ABRAXAS2: variants seen among roughly 807,000 people sequenced by gnomAD.
The protein encoded by ABRAXAS2 is BRISC complex subunit Abraxas 2.
In ABRAXAS2, 23 loss-of-function variants were observed where a neutral mutation model predicts 49.0. The ratio of observed to expected loss-of-function variants is 0.47; its 90% confidence interval spans 0.34 to 0.66. The LOEUF (loss-of-function observed/expected upper bound fraction) is 0.66, where lower values mean the gene tolerates loss of function less well. ABRAXAS2 is among the 30% of genes least tolerant of loss of function. The pLI, the probability that ABRAXAS2 is intolerant of heterozygous loss-of-function variation, is 0.01. For missense variants in ABRAXAS2, 443 were observed against 511.9 expected (o/e 0.87, Z 1.30); for synonymous variants, 168 against 180.2 (o/e 0.93, Z 0.54).
intron 6 of ABRAXAS2, 31 bp downstream of exon 6, chr10:124,828,906 C>CT: frequency 6.2e-7 from 1 of 1,601,940 alleles, no homozygotes; most frequent in South Asian, 1.1e-5. Flanking sequence ...CTAGTTTTTT[C>CT]TTTTGTCAGC....
intron 8 of ABRAXAS2, among the ~76,000 whole-genome samples, chr10:124,831,977 C>T (rs1045929954): frequency 3.4e-4 from 51 of 150,684 alleles, no homozygotes; most frequent in African/African-American, 1.2e-3. Context: ...CTCAGTCTCC[C>T]GAGTAGCTGG....
chr10:124,828,720 T>C (rs745920277), intron 5 of ABRAXAS2, 36 bp from the exon 6 acceptor site: 12 of 1,600,244 alleles, frequency 7.5e-6, no homozygotes, highest in Non-Finnish European at 4.3e-6. Flanking sequence ...GATAGAATGG[T>C]ACATTTAACA....
Position 124,813,330 on chromosome 10 carries a change from CAGGGAGA to C in ABRAXAS2, c.164-3242_164-3236del, listed in dbSNP as rs1950802913. Among the ~76,000 whole-genome samples, 5 of 152,156 alleles carry C rather than the reference CAGGGAGA, an allele frequency of 3.3e-5. No homozygotes were observed. The South Asian group carries it at 1.0e-3, about 32-fold the overall frequency. ...TGTCTACCCTTAGTTCTAGGAGTAG[CAGGGAGA>C]AGGCAGCAACAGAAGTGTCCTTAGT... On this transcript the variant is annotated intron_variant, in intron 2 of 8. Coordinates refer to ENST00000298492, the MANE Select transcript of ABRAXAS2 (RefSeq NM_032182.4).
At chr10:124,831,847 T>C (rs1589811617) in intron 8 of ABRAXAS2, among the ~76,000 whole-genome samples, 1 of 129,304 alleles carries the variant, frequency 7.7e-6, no homozygotes, top group Admixed American at 7.9e-5. Flanking sequence ...CCTGTCTTTT[T>C]TTTTTTTTTT....
chr10:124,805,380 A>G (rs1376944768), intron 1 of ABRAXAS2, among the ~76,000 whole-genome samples: 3 of 151,806 alleles, frequency 2.0e-5, no homozygotes, highest in Admixed American at 2.0e-4. Context: ...CCCCACTCCC[A>G]TAGATTCTCA....
At chr10:124,807,435 C>T (rs978495697) in intron 2 of ABRAXAS2, among the ~76,000 whole-genome samples, 3 of 151,372 alleles carry the variant, frequency 2.0e-5, no homozygotes, top group Admixed American at 6.6e-5. Context: ...GGTGGATCAC[C>T]TGAAGTCAGA....
At chr10:124,806,727 G>C (rs987170238) in intron 1 of ABRAXAS2, 104 bp from the exon 2 acceptor site, 8 of 733,700 alleles carry the variant, frequency 1.1e-5, no homozygotes, top group Non-Finnish European at 1.6e-5. Context: ...AGCTTGTTTG[G>C]ATTATTGTGA....
At chr10:124,829,346 C>T (rs370225126) in intron 6 of ABRAXAS2, 47 bp from the exon 7 acceptor site, 18 of 1,287,272 alleles carry the variant, frequency 1.4e-5, no homozygotes, top group Admixed American at 7.3e-5. Flanking sequence ...TCCATTTCAC[C>T]GCAGTTATGA....
At chr10:124,828,688 A>C in intron 5 of ABRAXAS2, 68 bp from the exon 6 acceptor site, 1 of 1,431,566 alleles carries the variant, frequency 7.0e-7, no homozygotes, top group Non-Finnish European at 9.5e-7. Context: ...TTTTTTTTAG[A>C]CTGTCAGTCT....
rs71029219 is a variant in ABRAXAS2 at position 124,831,842 on chromosome 10, C to CT, written c.778+409dup. On this transcript the variant is annotated intron_variant, in intron 8 of 8. Coordinates refer to ENST00000298492, the MANE Select transcript of ABRAXAS2 (RefSeq NM_032182.4). ...CCAGCAGGTAGGCACTGTGTCCTGT[C>CT]TTTTTTTTTTTTTTTTTTTTTTTTT... 1.4e-3 allele frequency among the ~76,000 whole-genome samples: 54 copies of CT among 37,720 alleles called. 6 individuals carry two copies. The highest frequency in any genetic ancestry group is 6.8e-3 in the East Asian group (8 of 1,176). The allele number at this position is 37,720 out of a possible 152,430, so 24.7% of individuals were successfully genotyped here. A position where few individuals can be genotyped will look rare whatever the true frequency, so the allele number is the denominator to read the frequency against.
intron 1 of ABRAXAS2, among the ~76,000 whole-genome samples, chr10:124,806,252 G>A (rs775930625): frequency 9.3e-5 from 14 of 151,254 alleles, no homozygotes; most frequent in Non-Finnish European, 1.3e-4. Context: ...CTTGCAGTTA[G>A]CAGAGATCGC....
chr10:124,823,645 T>G (rs545700870), intron 4 of ABRAXAS2, among the ~76,000 whole-genome samples: 1 of 152,322 alleles, frequency 6.6e-6, no homozygotes, highest in South Asian at 2.1e-4. Context: ...TAGAGAATAG[T>G]CTGTGGTCTG....
chr10:124,808,885 C>G (rs1320396991), intron 2 of ABRAXAS2, among the ~76,000 whole-genome samples: 2 of 152,110 alleles, frequency 1.3e-5, no homozygotes, highest in Admixed American at 6.6e-5. Context: ...AATCCCAGCA[C>G]TTTGGGAGGC....
intron 8 of ABRAXAS2, among the ~76,000 whole-genome samples, chr10:124,831,927 A>T (rs1246833572): frequency 7.4e-6 from 1 of 134,412 alleles, no homozygotes; most frequent in Non-Finnish European, 1.5e-5. Flanking sequence ...ATCTTGGCTC[A>T]CTGCAACCTC....
intron 3 of ABRAXAS2, 138 bp downstream of exon 3, chr10:124,816,750 C>T (rs921873307): frequency 1.6e-5 from 10 of 643,854 alleles, no homozygotes; most frequent in African/African-American, 1.4e-4. Context: ...GTGCTTTGTA[C>T]ACGGCACTGT....
rs1950965665 is a variant in ABRAXAS2 at position 124,835,818 on chromosome 10, T to C, written c.*847T>C. On this transcript the variant is annotated 3_prime_UTR_variant, in exon 9 of 9. Transcript: ENST00000298492. ...GACACGGTAGGTTTAGCTGAGTTCATACAGAGGAGATATAACTCATTTAGA... is the reference window on the plus strand; with the variant it reads ...GACACGGTAGGTTTAGCTGAGTTCACACAGAGGAGATATAACTCATTTAGA... The C allele has an allele frequency of 6.6e-6, 1 of 152,340 alleles. No individual in the cohort carries two copies. The highest frequency in any genetic ancestry group is 1.5e-5 in the Non-Finnish European group (1 of 68,040). The allele number at this position is 152,340 out of a possible 1,614,324, so 9.4% of individuals were successfully genotyped here. A position where few individuals can be genotyped will look rare whatever the true frequency, so the allele number is the denominator to read the frequency against.
rs1950747196 is a variant in ABRAXAS2 at position 124,806,734 on chromosome 10, G to A, written c.73-97G>A. The A allele has an allele frequency of 4.3e-5, 34 of 790,102 alleles. No homozygotes were observed. In the South Asian group the frequency reaches 5.7e-4, roughly 13 times the overall value. The allele number at this position is 790,102 out of a possible 1,614,324, so 48.9% of individuals were successfully genotyped here. A position where few individuals can be genotyped will look rare whatever the true frequency, so the allele number is the denominator to read the frequency against. On this transcript the variant is annotated intron_variant, in intron 1 of 8. Transcript: ENST00000298492. ...ACATGGGAAGCTTGTTTGGATTATT[G>A]TGAAAATTATAAATTTATATGTCCT...
rs1564927134 is a variant in ABRAXAS2, at chr10:124,834,904, C to T, written c.1181C>T (p.Ser394Leu). Reference protein sequence around the residue: ...TEPSNSEYSHSKDSRPMAHPD... With the variant: ...TEPSNSEYSHLKDSRPMAHPD... ...CCTTCTAATAGTGAATACTCACATT[C>T]AAAGGATTCTCGACCCATGGCACAT... is the stretch of plus-strand genomic sequence containing the variant. Residue 394 changes from serine to leucine, a missense_variant, in exon 9 of 9, where the codon TCA (serine) becomes TTA (leucine). By Grantham distance (145) the Ser-to-Leu change is moderately radical. Transcript: ENST00000298492. 2 of 1,614,144 alleles carry T rather than the reference C, an allele frequency of 1.2e-6. No individual in the cohort carries two copies. Among genetic ancestry groups the T allele is most frequent in the Non-Finnish European group, 1.7e-6 (2 of 1,180,030 alleles).
intron 1 of ABRAXAS2, 64 bp downstream of exon 1, chr10:124,801,965 C>A: frequency 6.5e-7 from 1 of 1,544,802 alleles, no homozygotes; most frequent in Non-Finnish European, 8.9e-7. Context: ...GGCCGGCGCT[C>A]GCGGCCAAGC....
Sources: gnomAD v4.1 joint callset for allele counts (sites outside exome capture counted in the v4.1 genomes callset) on GRCh38, gnomAD v4.1.1 for gene constraint, MANE v1.5 for transcripts, NCBI Gene and HGNC (gene_info 2026-07-23, HGNC 2026-07-21) for gene names.